Variants in AR observed in about 807,000 individuals in gnomAD.
AR encodes the protein androgen receptor.
Under a neutral mutation model 53.9 loss-of-function variants are expected in AR, and 8 were observed. The ratio of observed to expected loss-of-function variants is 0.15; its 90% CI spans 0.09 to 0.27. The LOEUF (loss-of-function observed/expected upper bound fraction) is 0.27. AR is among the 10% of genes least tolerant of loss of function. The pLI is 1.00. For synonymous variants in AR, 359 were observed against 316.4 expected (o/e 1.13, Z -1.43); for missense variants, 639 against 742.5 (o/e 0.86, Z 1.62).
chrX:67,571,402 C>T (rs1325342105), intron 1 of AR, among the ~76,000 whole-genome samples: 2 of 111,247 alleles, frequency 1.8e-5, no homozygotes, highest in Admixed American at 1.9e-4. Context: ...TTTCTGATGT[C>T]AGTCTGTGAT....
chrX:67,709,005 C>T (rs1396454350), intron 3 of AR, among the ~76,000 whole-genome samples: 8 of 111,614 alleles, frequency 7.2e-5, no homozygotes, highest in South Asian at 3.9e-4. Flanking sequence ...CTGGAAGTTT[C>T]GTCTCAGAGG....
At chrX:67,712,135 T>C (rs1436497889) in intron 4 of AR, among the ~76,000 whole-genome samples, 1 of 111,959 alleles carries the variant, frequency 8.9e-6, no homozygotes, top group Admixed American at 9.5e-5. Context: ...TAATATGGTA[T>C]GGTGGAAAGA....
At chrX:67,575,463 C>A (rs766449910) in intron 1 of AR, among the ~76,000 whole-genome samples, 2 of 111,412 alleles carry the variant, frequency 1.8e-5, no homozygotes, top group African/African-American at 6.5e-5. Context: ...TGTATGGAAT[C>A]GTATGATATG....
intron 2 of AR, among the ~76,000 whole-genome samples, chrX:67,651,446 A>G (rs978558303): frequency 4.5e-5 from 5 of 111,196 alleles, no homozygotes; most frequent in Non-Finnish European, 9.4e-5. Flanking sequence ...GGTTTTCCAT[A>G]TAAGTAAACT....
At chrX:67,695,354 T>G in intron 3 of AR, 4 of 754,155 alleles carry the variant, frequency 5.3e-6, no homozygotes, top group Non-Finnish European at 6.3e-6. Context: ...GGACCAGATT[T>G]CTGCTTCTCC....
At chrX:67,591,826 C>T (rs1201626385) in intron 1 of AR, among the ~76,000 whole-genome samples, 1 of 111,975 alleles carries the variant, frequency 8.9e-6, no homozygotes, top group Non-Finnish European at 1.9e-5. Flanking sequence ...TTTGTTCTCA[C>T]TGCTGACATC....
chrX:67,615,845 G>A (rs1207732395), intron 1 of AR, among the ~76,000 whole-genome samples: 1 of 111,494 alleles, frequency 9.0e-6, no homozygotes, highest in Non-Finnish European at 1.9e-5. Flanking sequence ...CAAATATGAA[G>A]AGTAACATTA....
At chrX:67,642,975 G>A (rs1025201645) in intron 1 of AR, among the ~76,000 whole-genome samples, 2 of 111,424 alleles carry the variant, frequency 1.8e-5, no homozygotes, top group African/African-American at 6.5e-5. Flanking sequence ...TTAACCTCAG[G>A]CTTCCTGCCT....
rs149774512 is a variant in AR, at chrX:67,683,155, G to T, written c.1769-2855G>T. On this transcript the variant is annotated intron_variant, in intron 2 of 7. Transcript: ENST00000374690. ...CTCACACATACATGAATACACACAT[G>T]TACATTAGCATGTTTATGCTTATGT... Among the ~76,000 whole-genome samples, 378 of 111,878 alleles carry T rather than the reference G, an allele frequency of 3.4e-3. 1 individual carries two copies. Among genetic ancestry groups the T allele is most frequent in the African/African-American group, 0.012 (369 of 30,851 alleles).
intron 1 of AR, among the ~76,000 whole-genome samples, chrX:67,580,615 CTT>C (rs1292469856): frequency 9.0e-6 from 1 of 111,596 alleles, no homozygotes; most frequent in Non-Finnish European, 1.9e-5. Flanking sequence ...CTTTCTGACT[CTT>C]CAGATCTCAG....
chrX:67,626,620 A>C (rs1463734280), intron 1 of AR, among the ~76,000 whole-genome samples: 5 of 99,140 alleles, frequency 5.0e-5, no homozygotes, highest in African/African-American at 1.1e-4. Context: ...TTATATATAT[A>C]TATATATATA....
At chrX:67,645,986 A>T (rs1376620256) in intron 2 of AR, among the ~76,000 whole-genome samples, 1 of 111,951 alleles carries the variant, frequency 8.9e-6, no homozygotes, top group Non-Finnish European at 1.9e-5. Context: ...TTGAAACATC[A>T]AATTATACCT....
intron 2 of AR, among the ~76,000 whole-genome samples, chrX:67,649,439 G>A (rs996949717): frequency 2.7e-5 from 3 of 111,922 alleles, no homozygotes; most frequent in Non-Finnish European, 5.6e-5. Context: ...AGATCCTTGA[G>A]GAATCTCCAC....
At chrX:67,572,782 G>T (rs781335022) in intron 1 of AR, among the ~76,000 whole-genome samples, 2 of 111,364 alleles carry the variant, frequency 1.8e-5, no homozygotes, top group Admixed American at 9.5e-5. Context: ...TGTGTATTTG[G>T]CTAGTTCAAC....
chrX:67,676,160 A>G (rs2075898604), intron 2 of AR, among the ~76,000 whole-genome samples: 1 of 112,213 alleles, frequency 8.9e-6, no homozygotes, highest in South Asian at 3.7e-4. Flanking sequence ...AACCATGTCT[A>G]TTTTTAAATA....
chrX:67,550,854 C>A (rs943233392), intron 1 of AR, among the ~76,000 whole-genome samples: 2 of 108,864 alleles, frequency 1.8e-5, no homozygotes, highest in African/African-American at 6.7e-5. Flanking sequence ...CTTTCCACTT[C>A]TCAGGGTATT....
chrX:67,644,282 A>C (rs1925940947), intron 2 of AR, among the ~76,000 whole-genome samples: 1 of 111,614 alleles, frequency 9.0e-6, no homozygotes, highest in Non-Finnish European at 1.9e-5. Flanking sequence ...CTTCTCAAAG[A>C]GACATTGATG....
intron 3 of AR, among the ~76,000 whole-genome samples, chrX:67,703,917 T>C (rs1388079929): frequency 9.0e-6 from 1 of 111,555 alleles, no homozygotes; most frequent in African/African-American, 3.3e-5. Flanking sequence ...GTCCTTGAGA[T>C]AGTTTGCTGA....
chrX:67,635,107 T>C (rs1925365688), intron 1 of AR, among the ~76,000 whole-genome samples: 1 of 107,775 alleles, frequency 9.3e-6, no homozygotes, highest in Admixed American at 1.0e-4. Context: ...AGAAAAGTGC[T>C]CTTTTTTATT....
Sources: allele counts gnomAD v4.1 joint callset (sites outside exome capture counted in the v4.1 genomes callset), GRCh38; gene constraint gnomAD v4.1.1; transcripts MANE v1.5; gene names NCBI Gene and HGNC (gene_info 2026-07-23, HGNC 2026-07-21).